The following ULK4 variants were observed in gnomAD, a reference collection of about 807,000 sequenced individuals.
The protein encoded by ULK4 is inactive serine/threonine-protein kinase ULK4.
Under a neutral mutation model 160.6 loss-of-function variants are expected in ULK4, and 133 were observed. The ratio of observed to expected loss-of-function variants is 0.83; its 90% CI spans 0.72 to 0.96. The LOEUF is 0.96. Ranked by LOEUF, ULK4 falls within the 40% of genes least tolerant of loss-of-function variation. The pLI, the probability that ULK4 is intolerant of heterozygous loss-of-function variation, is 0.00. For missense variants in ULK4, 1,580 were observed against 1,499.5 expected (o/e 1.05, Z -0.89); for synonymous variants, 534 against 539.8 (o/e 0.99, Z 0.15).
chr3:41,253,521 T>A (rs916367826), intron 35 of ULK4, among the ~76,000 whole-genome samples: 9 of 149,964 alleles, frequency 6.0e-5, no homozygotes, highest in Middle Eastern at 3.4e-3. Context: ...AGATGTAATT[T>A]AAAAAAAAAC....
chr3:41,751,323 T>C (rs546105126), intron 22 of ULK4, among the ~76,000 whole-genome samples: 24 of 152,294 alleles, frequency 1.6e-4, no homozygotes, highest in African/African-American at 5.5e-4. Flanking sequence ...CAAACCACCA[T>C]ATGTAGAAAG....
chr3:41,455,422 C>CT, intron 34 of ULK4, 75 bp downstream of exon 34: 1 of 1,359,002 alleles, frequency 7.4e-7, no homozygotes, highest in Non-Finnish European at 1.0e-6. Context: ...CATAGAAACT[C>CT]AAGAGATCAG....
chr3:41,309,895 A>C (rs565794849), intron 35 of ULK4, among the ~76,000 whole-genome samples: 152 of 134,830 alleles, frequency 1.1e-3, no homozygotes, highest in African/African-American at 5.0e-3. Context: ...AATGCCTTTT[A>C]GGGAAAAAAA....
chr3:41,651,166 A>T (rs1317673628), intron 30 of ULK4, among the ~76,000 whole-genome samples: 2 of 152,170 alleles, frequency 1.3e-5, no homozygotes, highest in African/African-American at 4.8e-5. Flanking sequence ...TGTCCTCATC[A>T]TACTGACCCT....
intron 17 of ULK4, among the ~76,000 whole-genome samples, chr3:41,864,288 T>C (rs1401325654): frequency 6.6e-6 from 1 of 152,132 alleles, no homozygotes; most frequent in Admixed American, 6.5e-5. Context: ...CCAGAGATGT[T>C]CTCCACACCA....
In ULK4 at chr3:41,598,162, T is replaced by C. The variant is rs2031817047; in HGVS notation, c.3120+17507A>G. 2.0e-5 allele frequency among the ~76,000 whole-genome samples: 3 copies of C among 152,114 alleles called. No individual in the cohort carries two copies. In the South Asian group the frequency reaches 6.2e-4, roughly 32 times the overall value. ...GATGTCCTGGTCCCACATGACCAGT[T>C]CCTCACTCCCTCCCAATCAGCCACC... is the stretch of plus-strand genomic sequence containing the variant. On this transcript the variant is annotated intron_variant, in intron 31 of 36. Transcript: ENST00000301831.
intron 22 of ULK4, among the ~76,000 whole-genome samples, chr3:41,746,469 T>C (rs562771233): frequency 1.3e-5 from 2 of 150,638 alleles, no homozygotes; most frequent in East Asian, 1.9e-4. Flanking sequence ...GCTGAAATTA[T>C]AGAATGCTAA....
At chr3:41,536,729 T>G (rs2086513472) in intron 32 of ULK4, among the ~76,000 whole-genome samples, 1 of 152,106 alleles carries the variant, frequency 6.6e-6, no homozygotes, top group Non-Finnish European at 1.5e-5. Context: ...CTGAGTAGGC[T>G]GAGGAGGAAG....
chr3:41,482,818 C>G (rs2084375089), intron 32 of ULK4, among the ~76,000 whole-genome samples: 2 of 152,126 alleles, frequency 1.3e-5, no homozygotes, highest in African/African-American at 4.8e-5. Context: ...AAATTCAGTT[C>G]ACTGAGAGCT....
chr3:41,678,191 C>T (rs1256746739), intron 29 of ULK4, among the ~76,000 whole-genome samples: 2 of 148,824 alleles, frequency 1.3e-5, no homozygotes, highest in African/African-American at 5.0e-5. Context: ...CACACACACA[C>T]ACACACACAC....
At chr3:41,884,339 G>A (rs1697639851) in intron 16 of ULK4, among the ~76,000 whole-genome samples, 1 of 152,140 alleles carries the variant, frequency 6.6e-6, no homozygotes, top group Non-Finnish European at 1.5e-5. Context: ...GTAGATCAAT[G>A]AGTTTCTATG....
chr3:41,515,838 C>T (rs530339745), intron 32 of ULK4, among the ~76,000 whole-genome samples: 26 of 152,270 alleles, frequency 1.7e-4, no homozygotes, highest in Non-Finnish European at 3.1e-4. Flanking sequence ...TATCAGTAGA[C>T]ATATTTTCTA....
chr3:41,300,109 ATT>A lies in ULK4; in HGVS notation c.3679-50537_3679-50536del, dbSNP rs572515013. Among the ~76,000 whole-genome samples the A allele has an allele frequency of 5.9e-5, 9 of 152,272 alleles. No individual in the cohort carries two copies. In the South Asian group the frequency reaches 1.9e-3, roughly 32 times the overall value. On this transcript the variant is annotated intron_variant, in intron 35 of 36. Transcript: ENST00000301831. The stretch of plus-strand genomic sequence containing the variant: ...TCACACGCTTGCCAGCACTAGATTT[ATT>A]TTTAGGAGGTACAAATTTAGTAGAT...
intron 19 of ULK4, among the ~76,000 whole-genome samples, chr3:41,801,091 G>C (rs1371994015): frequency 6.6e-6 from 1 of 152,056 alleles, no homozygotes; most frequent in Non-Finnish European, 1.5e-5. Context: ...AATAAATGTA[G>C]TCCACATACT....
At chr3:41,506,077 AC>A (rs767532043) in intron 32 of ULK4, among the ~76,000 whole-genome samples, 4 of 152,240 alleles carry the variant, frequency 2.6e-5, no homozygotes, top group Non-Finnish European at 4.4e-5. Context: ...AGCAAAAAAA[AC>A]GAAACTAGAA....
chr3:41,658,536 T>C (rs1263741923), intron 30 of ULK4, among the ~76,000 whole-genome samples: 1 of 152,184 alleles, frequency 6.6e-6, no homozygotes, highest in Non-Finnish European at 1.5e-5. Context: ...ACCAAAAGAT[T>C]AGGAAAGAAC....
rs1170946752 is a variant in ULK4 at position 41,715,468 on chromosome 3, C to G, written c.2556G>C (p.Val852=). The change falls in exon 24 of 37, where the codon GTG becomes GTC. Residue 852 remains valine (V), a synonymous_variant. Transcript: ENST00000301831. ...LKLCLPLMPV[V]LHLVTSQVFR... ...GTACCTGTGAAGTTACGAGGTGAAG[C>G]ACTACAGGCATCAGGGGGAGACACA... is the stretch of plus-strand genomic sequence containing the variant. The G allele has an allele frequency of 3.7e-6, 6 of 1,614,120 alleles. No individual in the cohort carries two copies. Among genetic ancestry groups the G allele is most frequent in the Admixed American group, 1.7e-5 (1 of 60,022 alleles).
At chr3:41,497,040 CAAA>C (rs56325419) in intron 32 of ULK4, among the ~76,000 whole-genome samples, 41 of 142,624 alleles carry the variant, frequency 2.9e-4, no homozygotes, top group African/African-American at 6.6e-4. Context: ...AACCCATAAC[CAAA>C]AAAAAAAAAA....
chr3:41,629,420 G>A (rs982709342), intron 30 of ULK4, among the ~76,000 whole-genome samples: 3 of 152,170 alleles, frequency 2.0e-5, no homozygotes, highest in African/African-American at 7.2e-5. Context: ...GGTGCCAAGA[G>A]GAAGCATCCA....
Sources: allele counts gnomAD v4.1 joint callset (sites outside exome capture counted in the v4.1 genomes callset), GRCh38; gene constraint gnomAD v4.1.1; transcripts MANE v1.5; gene names NCBI Gene and HGNC (gene_info 2026-07-23, HGNC 2026-07-21).